Variants in LAMA1 observed in about 807,000 individuals in gnomAD.
LAMA1 encodes laminin subunit alpha 1.
In LAMA1, 219 loss-of-function variants were observed where a neutral mutation model predicts 348.7. That is an observed-to-expected ratio of 0.63 (90% confidence interval 0.56 to 0.70). LAMA1 has a LOEUF of 0.70. Ranked by LOEUF, LAMA1 falls within the 30% of genes least tolerant of loss-of-function variation. LAMA1 has a pLI of 0.00. For missense variants in LAMA1, 3,744 were observed against 3,888.0 expected (o/e 0.96, Z 0.99); for synonymous variants, 1,487 against 1,491.0 (o/e 1.00, Z 0.06).
rs756452553 is a variant in LAMA1, at chr18:7,040,179, C to T, written c.1319G>A (p.Arg440His). The change falls in exon 10 of 63, where the codon CGC (arginine) becomes CAC (histidine). Residue 440 changes from arginine (R) to histidine (H), a missense_variant. Arg to His is a conservative substitution (Grantham distance 29). This residue lies in a region of LAMA1 where 1,529 missense variants were observed against 1,689.4 expected (regional missense o/e 0.91). Coordinates refer to ENST00000389658, the MANE Select transcript of LAMA1 (RefSeq NM_005559.4). Reference sequence around the variant, plus strand: ...GTAATCCTTATAGCCAAGTTGGCAGCGATCACATTTTTCTCCTGTATAACC... The same window carrying T: ...GTAATCCTTATAGCCAAGTTGGCAGTGATCACATTTTTCTCCTGTATAACC... ...KEGYTGEKCD[R>H]CQLGYKDYPT... is the part of the protein sequence containing the mutation. The T allele has an allele frequency of 5.6e-6, 9 of 1,613,952 alleles. No homozygotes were observed. Among genetic ancestry groups the T allele is most frequent in the East Asian group, 2.2e-5 (1 of 44,874 alleles).
intron 3 of LAMA1, among the ~76,000 whole-genome samples, chr18:7,068,806 A>G (rs1219404897): frequency 6.6e-6 from 1 of 152,180 alleles, no homozygotes; most frequent in Non-Finnish European, 1.5e-5. Context: ...AGAAAAAAAA[A>G]AAGCTAGAAT....
At chr18:7,095,850 T>C (rs1379107423) in intron 1 of LAMA1, among the ~76,000 whole-genome samples, 1 of 152,278 alleles carries the variant, frequency 6.6e-6, no homozygotes. Context: ...GGGCAGATCA[T>C]GAGGTCAGGA....
chr18:7,019,618 T>C (rs1291688973), intron 19 of LAMA1, among the ~76,000 whole-genome samples: 2 of 151,706 alleles, frequency 1.3e-5, no homozygotes, highest in South Asian at 2.1e-4. Context: ...TAACTTTCCA[T>C]AGGTCACACT....
intron 46 of LAMA1, 141 bp downstream of exon 46, chr18:6,974,762 C>A (rs1310197567): frequency 2.6e-6 from 3 of 1,144,602 alleles, no homozygotes; most frequent in African/African-American, 1.5e-5. Context: ...ATTTCTACAG[C>A]TAACCTAAAC....
intron 48 of LAMA1, among the ~76,000 whole-genome samples, chr18:6,969,947 A>G (rs2057650726): frequency 6.6e-6 from 1 of 152,210 alleles, no homozygotes; most frequent in South Asian, 2.1e-4. Context: ...AATAGAGGAT[A>G]TGGTCACAGG....
intron 41 of LAMA1, 25 bp from the exon 42 acceptor site, chr18:6,980,662 C>T (rs1479240687): frequency 6.8e-7 from 1 of 1,477,900 alleles, no homozygotes. Context: ...AAAAATGTTT[C>T]CTTTCAGGTT....
At position 7,010,404 on chromosome 18, in the gene LAMA1, T is replaced by C. The variant is rs2057854431; in HGVS notation, c.3688-19A>G. The C allele has an allele frequency of 6.2e-7, 1 of 1,601,832 alleles. No homozygotes were observed. Among genetic ancestry groups the C allele is most frequent in the African/African-American group, 1.3e-5 (1 of 74,810 alleles). ...CCATGAGCTATCAAATAATAAAGTGTTGTTTACTTCTCTGACAAAGCTTTC... is the reference window on the plus strand; with the variant it reads ...CCATGAGCTATCAAATAATAAAGTGCTGTTTACTTCTCTGACAAAGCTTTC... On this transcript the variant is annotated intron_variant, in intron 25 of 62. Transcript: ENST00000389658.
intron 18 of LAMA1, among the ~76,000 whole-genome samples, chr18:7,023,722 G>A (rs1220207015): frequency 1.3e-5 from 2 of 152,154 alleles, no homozygotes; most frequent in Non-Finnish European, 2.9e-5. Context: ...TGGCCTTCAG[G>A]AGCCAGAAGA....
chr18:6,992,519 C>T, intron 36 of LAMA1, 42 bp downstream of exon 36: 1 of 1,606,212 alleles, frequency 6.2e-7, no homozygotes, highest in Non-Finnish European at 8.5e-7. Flanking sequence ...GCAAGTTTCT[C>T]TCTCTACTTG....
intron 24 of LAMA1, among the ~76,000 whole-genome samples, chr18:7,011,740 T>C (rs1348929883): frequency 6.6e-6 from 1 of 152,240 alleles, no homozygotes; most frequent in African/African-American, 2.4e-5. Flanking sequence ...TTTGCAGTTC[T>C]ATCTTCTCTC....
intron 1 of LAMA1, among the ~76,000 whole-genome samples, chr18:7,084,004 C>T (rs1005624026): frequency 6.3e-5 from 8 of 127,498 alleles, no homozygotes; most frequent in Non-Finnish European, 9.4e-5. Flanking sequence ...AGTTGAGAAG[C>T]GGAGGTTGCA....
chr18:6,996,105 G>C (rs1185933467), intron 33 of LAMA1, among the ~76,000 whole-genome samples: 1 of 152,086 alleles, frequency 6.6e-6, no homozygotes, highest in East Asian at 1.9e-4. Flanking sequence ...CGTGTATATA[G>C]TGATTGGAAA....
intron 56 of LAMA1, 104 bp from the exon 57 acceptor site, chr18:6,955,569 G>C (rs901565196): frequency 2.6e-6 from 2 of 779,262 alleles, no homozygotes; most frequent in South Asian, 1.4e-5. Flanking sequence ...AATCCCATTA[G>C]AACAGCAACA....
intron 26 of LAMA1, 104 bp downstream of exon 26, chr18:7,010,096 C>T (rs757496115): frequency 1.0e-5 from 14 of 1,352,574 alleles, no homozygotes; most frequent in East Asian, 9.2e-5. Flanking sequence ...TGTGAGCCAC[C>T]GTACCTGGCT....
rs1198235116 is a variant in LAMA1 at position 7,117,725 on chromosome 18, C to A, written c.-5G>T. The A allele has an allele frequency of 6.3e-7, 1 of 1,596,272 alleles. No homozygotes were observed. The highest frequency in any genetic ancestry group is 2.2e-5 in the East Asian group (1 of 44,654). On this transcript the variant is annotated 5_prime_UTR_variant, in exon 1 of 63. Coordinates refer to ENST00000389658, the MANE Select transcript of LAMA1 (RefSeq NM_005559.4). ...CAGGAGCACGCCCCCGCGCATCTCG[C>A]CTCCGCCGCCACTCGGTGGGTCTGG...
At position 6,999,612 on chromosome 18, in the gene LAMA1, G is replaced by C; in HGVS notation, c.4496C>G (p.Pro1499Arg). Reference protein sequence around the residue: ...ERCSSSYYGNPQTPGGSCQKC... With the variant: ...ERCSSSYYGNRQTPGGSCQKC... Reference sequence around the variant, plus strand: ...CTGGCAACTGCCACCTGGTGTTTGAGGGTTCCCATAATAGCTTGAGGAGCA... The same window carrying C: ...CTGGCAACTGCCACCTGGTGTTTGACGGTTCCCATAATAGCTTGAGGAGCA... Residue 1499 changes from proline to arginine, a missense_variant, in exon 32 of 63, where the codon CCT (proline) becomes CGT (arginine). By Grantham distance (103) the Pro-to-Arg change is moderately radical (BLOSUM62 -2). Coordinates refer to ENST00000389658, the MANE Select transcript of LAMA1 (RefSeq NM_005559.4). 1 of 1,613,216 alleles carries C rather than the reference G, an allele frequency of 6.2e-7. No individual in the cohort carries two copies. Among genetic ancestry groups the C allele is most frequent in the Non-Finnish European group, 8.5e-7 (1 of 1,179,674 alleles).
At chr18:7,072,104 C>G (rs1298638322) in intron 3 of LAMA1, among the ~76,000 whole-genome samples, 1 of 152,164 alleles carries the variant, frequency 6.6e-6, no homozygotes, top group Non-Finnish European at 1.5e-5. Context: ...TATGATGATT[C>G]CATCTTAATT....
chr18:6,995,834 T>C (rs1040970146), intron 33 of LAMA1, among the ~76,000 whole-genome samples: 7 of 152,142 alleles, frequency 4.6e-5, no homozygotes, highest in Middle Eastern at 3.2e-3. Context: ...AGAAAGACTT[T>C]ATAAATACTA....
intron 61 of LAMA1, 114 bp from the exon 62 acceptor site, chr18:6,943,516 G>A (rs917526795): frequency 1.0e-4 from 91 of 870,998 alleles, no homozygotes; most frequent in Middle Eastern, 8.8e-4. Flanking sequence ...AGCTAACTAG[G>A]AGAAACAGAA....
Sources: gnomAD v4.1 joint callset for allele counts (sites outside exome capture counted in the v4.1 genomes callset) on GRCh38, gnomAD v4.1.1 for gene constraint, gnomAD v4.1.1 regional missense constraint, MANE v1.5 for transcripts, NCBI Gene and HGNC (gene_info 2026-07-23, HGNC 2026-07-21) for gene names.